The following HPSE2 variants were observed in gnomAD, a reference collection of about 807,000 sequenced individuals.
The protein encoded by HPSE2 is inactive heparanase-2.
In HPSE2, 38 loss-of-function variants were observed where a neutral mutation model predicts 60.5. That is an observed-to-expected ratio of 0.63 (90% CI 0.48 to 0.82). The LOEUF is 0.82. Ranked by LOEUF, HPSE2 falls within the 40% of genes least tolerant of loss-of-function variation. The pLI, the probability that HPSE2 is intolerant of heterozygous loss-of-function variation, is 0.00. For synonymous variants in HPSE2, 295 were observed against 293.2 expected (o/e 1.01, Z -0.06); for missense variants, 713 against 740.4 (o/e 0.96, Z 0.43).
intron 9 of HPSE2, among the ~76,000 whole-genome samples, chr10:98,518,826 A>C (rs1942690680): frequency 6.6e-6 from 1 of 152,190 alleles, no homozygotes; most frequent in African/African-American, 2.4e-5. Context: ...GACACTGTGA[A>C]ATATTAGCTG....
chr10:98,963,915 C>T (rs915458690), intron 3 of HPSE2, among the ~76,000 whole-genome samples: 5 of 152,056 alleles, frequency 3.3e-5, no homozygotes, highest in African/African-American at 1.2e-4. Flanking sequence ...TAGCAAAGAA[C>T]ACTGATTACA....
chr10:98,968,137 C>T (rs529303286), intron 3 of HPSE2, among the ~76,000 whole-genome samples: 10 of 152,224 alleles, frequency 6.6e-5, no homozygotes, highest in South Asian at 2.1e-4. Flanking sequence ...TCTAAATTTC[C>T]TCACAATGGC....
intron 3 of HPSE2, among the ~76,000 whole-genome samples, chr10:99,023,549 G>A (rs575257843): frequency 1.3e-5 from 2 of 152,298 alleles, no homozygotes. Context: ...GCAAGACTCA[G>A]TGCTATGCTG....
rs138555625 is a variant in HPSE2 at position 98,754,526 on chromosome 10, T to C, written c.611-10470A>G. Among the ~76,000 whole-genome samples the C allele has an allele frequency of 2.0e-5, 3 of 151,334 alleles. No homozygotes were observed. The East Asian group carries it at 6.0e-4, about 30-fold the overall frequency. On this transcript the variant is annotated intron_variant, in intron 3 of 11. Transcript: ENST00000370552. ...TTCAGAGAACCCCTGTAAGATACTA[T>C]CCAAGAAGACCATCTCCAAGGCACA...
intron 3 of HPSE2, among the ~76,000 whole-genome samples, chr10:98,962,224 G>A (rs1202158679): frequency 6.4e-5 from 6 of 93,970 alleles, no homozygotes; most frequent in Non-Finnish European, 1.3e-4. Flanking sequence ...TTGGCGATGC[G>A]GGCTCTTTTT....
intron 3 of HPSE2, among the ~76,000 whole-genome samples, chr10:99,105,072 A>G (rs1337262364): frequency 6.6e-6 from 1 of 151,774 alleles, no homozygotes; most frequent in Non-Finnish European, 1.5e-5. Flanking sequence ...AAAAAAAAAA[A>G]AAAAGAAAAG....
chr10:98,536,453 T>C (rs752537872), intron 9 of HPSE2, among the ~76,000 whole-genome samples: 1 of 152,210 alleles, frequency 6.6e-6, no homozygotes, highest in Non-Finnish European at 1.5e-5. Context: ...AGAATCCTGA[T>C]GGTCCTTCCT....
chr10:99,272,846 A>G, the HPSE2 span, among the ~76,000 whole-genome samples: 2 of 152,250 alleles, frequency 1.3e-5, no homozygotes. Flanking sequence ...TAGTACAACC[A>G]CTATGGAAAA....
chr10:98,795,411 C>G (rs1432904151), intron 3 of HPSE2, among the ~76,000 whole-genome samples: 1 of 152,212 alleles, frequency 6.6e-6, no homozygotes, highest in African/African-American at 2.4e-5. Flanking sequence ...GAACTCAGTG[C>G]TGCCTTGTCA....
chr10:99,100,140 G>A (rs958798298), intron 3 of HPSE2, among the ~76,000 whole-genome samples: 1 of 152,196 alleles, frequency 6.6e-6, no homozygotes, highest in Non-Finnish European at 1.5e-5. Flanking sequence ...AAGCTGGGTG[G>A]AGAATGACTT....
chr10:99,277,881 T>C, the HPSE2 span, among the ~76,000 whole-genome samples: 1 of 152,072 alleles, frequency 6.6e-6, no homozygotes. Context: ...GTGGATCACT[T>C]AGGGTCAGGA....
rs1946720560 is a variant in HPSE2 at position 98,644,652 on chromosome 10, T to G, written c.1005-2712A>C. On this transcript the variant is annotated intron_variant, in intron 6 of 11. Coordinates refer to ENST00000370552, the MANE Select transcript of HPSE2 (RefSeq NM_021828.5). Reference sequence around the variant, plus strand: ...CACTGTCATACACTACTAGGACTGCTTCACTGCATCACAGCTCTAATTGAC... The same window carrying G: ...CACTGTCATACACTACTAGGACTGCGTCACTGCATCACAGCTCTAATTGAC... Among the ~76,000 whole-genome samples, 3 of 152,352 alleles carry G rather than the reference T, an allele frequency of 2.0e-5. No individual in the cohort carries two copies. In the South Asian group the frequency reaches 6.2e-4, roughly 32 times the overall value.
chr10:99,287,007 G>A, the HPSE2 span, among the ~76,000 whole-genome samples: 1 of 151,964 alleles, frequency 6.6e-6, no homozygotes, highest in African/African-American at 2.4e-5. Flanking sequence ...CTATACTTGG[G>A]GATCGCTAAA....
chr10:98,618,611 G>A (rs1260203592), intron 8 of HPSE2, among the ~76,000 whole-genome samples: 2 of 152,122 alleles, frequency 1.3e-5, no homozygotes, highest in Non-Finnish European at 2.9e-5. Context: ...GAGGGACGGA[G>A]TCTTGCTCTG....
rs557951862 is a variant in HPSE2, at chr10:99,183,379, T to C, written c.449-38980A>G. Among the ~76,000 whole-genome samples the C allele has an allele frequency of 2.0e-5, 3 of 152,312 alleles. No homozygotes were observed. In the South Asian group the frequency reaches 6.2e-4, roughly 32 times the overall value. On this transcript the variant is annotated intron_variant, in intron 2 of 11. Coordinates refer to ENST00000370552, the MANE Select transcript of HPSE2 (RefSeq NM_021828.5). Reference sequence around the variant, plus strand: ...ACATAAATGGCCCCAATAGTCCCTGTACACAGTTGTTTTTGGATAAACATG... The same window carrying C: ...ACATAAATGGCCCCAATAGTCCCTGCACACAGTTGTTTTTGGATAAACATG...
At chr10:99,288,327 T>C in the HPSE2 span, among the ~76,000 whole-genome samples, 17 of 152,140 alleles carry the variant, frequency 1.1e-4, no homozygotes, top group African/African-American at 4.1e-4. Context: ...ATAAGTTCCA[T>C]GTGTGATTTT....
the HPSE2 span, among the ~76,000 whole-genome samples, chr10:99,296,710 G>T: frequency 1.2e-4 from 18 of 152,344 alleles, no homozygotes; most frequent in East Asian, 3.5e-3. Context: ...GGTACCCAAT[G>T]CAGGGTGAAG....
intron 9 of HPSE2, among the ~76,000 whole-genome samples, chr10:98,609,915 C>T (rs1945704001): frequency 6.7e-6 from 1 of 148,820 alleles, no homozygotes; most frequent in African/African-American, 2.5e-5. Context: ...GATCTCAGCT[C>T]ACTGCAACCT....
chr10:99,129,041 T>A (rs1845278501), intron 3 of HPSE2, among the ~76,000 whole-genome samples: 1 of 151,976 alleles, frequency 6.6e-6, no homozygotes, highest in Non-Finnish European at 1.5e-5. Flanking sequence ...AACAACAGTT[T>A]AAAAAGACAA....
Sources: allele counts gnomAD v4.1 joint callset (sites outside exome capture counted in the v4.1 genomes callset), GRCh38; gene constraint gnomAD v4.1.1; transcripts MANE v1.5; gene names NCBI Gene and HGNC (gene_info 2026-07-23, HGNC 2026-07-21).